AMBRA1: variants seen among roughly 807,000 people sequenced by gnomAD.
The protein encoded by AMBRA1 is activating molecule in BECN1-regulated autophagy protein 1.
In AMBRA1, 47 loss-of-function variants were observed where a neutral mutation model predicts 125.4. The ratio of observed to expected loss-of-function variants is 0.37; its 90% CI spans 0.30 to 0.48. The LOEUF (loss-of-function observed/expected upper bound fraction) is 0.48. Ranked by LOEUF, AMBRA1 falls within the 20% of genes least tolerant of loss-of-function variation. The pLI, the probability that AMBRA1 is intolerant of heterozygous loss-of-function variation, is 0.99. For synonymous variants in AMBRA1, 626 were observed against 655.5 expected (o/e 0.95, Z 0.69); for missense variants, 1,331 against 1,693.4 (o/e 0.79, Z 3.76).
intron 12 of AMBRA1, among the ~76,000 whole-genome samples, chr11:46,439,428 A>G (rs1947894104): frequency 6.6e-6 from 1 of 152,242 alleles, no homozygotes; most frequent in South Asian, 2.1e-4. Flanking sequence ...GATGAAGATG[A>G]CATCCCAAAT....
At chr11:46,440,977 A>G (rs929287788) in intron 12 of AMBRA1, among the ~76,000 whole-genome samples, 7 of 152,202 alleles carry the variant, frequency 4.6e-5, no homozygotes, top group Admixed American at 4.6e-4. Flanking sequence ...AACCAAAATC[A>G]ACACAGAGGA....
intron 14 of AMBRA1, chr11:46,428,585 TC>T (rs1565148155): frequency 3.7e-5 from 45 of 1,221,928 alleles, no homozygotes; most frequent in Middle Eastern, 2.7e-4. Flanking sequence ...TTCTTCTTCT[TC>T]TTCTTCTTTT....
intron 17 of AMBRA1, among the ~76,000 whole-genome samples, chr11:46,402,784 A>G (rs1028188514): frequency 3.9e-5 from 6 of 152,202 alleles, no homozygotes; most frequent in Admixed American, 3.9e-4. Flanking sequence ...ACCAGACACA[A>G]AGTAAGTGCT....
At chr11:46,585,450 G>A (rs1429672192) in intron 1 of AMBRA1, among the ~76,000 whole-genome samples, 3 of 149,584 alleles carry the variant, frequency 2.0e-5, no homozygotes, top group Non-Finnish European at 4.4e-5. Flanking sequence ...GGTGGACCAC[G>A]AGGTCAGGAG....
chr11:46,470,283 AT>A (rs1230894993), intron 11 of AMBRA1, among the ~76,000 whole-genome samples: 1 of 152,030 alleles, frequency 6.6e-6, no homozygotes, highest in Non-Finnish European at 1.5e-5. Context: ...TCTACAAAAA[AT>A]TTTTTAAAAA....
In AMBRA1 at chr11:46,515,343, C is replaced by T. The variant is rs187045933; in HGVS notation, c.2073-2530G>A. Among the ~76,000 whole-genome samples the T allele has an allele frequency of 6.6e-5, 10 of 152,136 alleles. No homozygotes were observed. The South Asian group carries it at 1.7e-3, about 25-fold the overall frequency. On this transcript the variant is annotated intron_variant, in intron 7 of 17. Coordinates refer to ENST00000683756, the MANE Select transcript of AMBRA1 (RefSeq NM_001387011.1). ...AAAAAAGTAGCCAGGCGTGGTGGTG[C>T]GTGCCTATAATCCCAGCTATTTGGA...
At chr11:46,503,832 T>C (rs561126937) in intron 9 of AMBRA1, among the ~76,000 whole-genome samples, 146 of 152,298 alleles carry the variant, frequency 9.6e-4, no homozygotes, top group African/African-American at 2.8e-3. Context: ...TGTGTCAAAA[T>C]TGTGAATAAG....
rs773330938 is a variant in AMBRA1, at chr11:46,397,473, T to C, written c.3874A>G (p.Arg1292Gly). The C allele has an allele frequency of 9.9e-6, 15 of 1,516,918 alleles. No individual in the cohort carries two copies. The highest frequency in any genetic ancestry group is 1.2e-5 in the Non-Finnish European group (14 of 1,131,996). 94.0% of individuals were successfully genotyped at this position (1,516,918 alleles called of 1,614,324 possible). Residue 1292 changes from arginine to glycine, a missense_variant, in exon 18 of 18, where the codon AGG (arginine) becomes GGG (glycine). Physicochemically the swap from Arg to Gly is moderately radical, Grantham distance 125. Coordinates refer to ENST00000683756, the MANE Select transcript of AMBRA1 (RefSeq NM_001387011.1). The stretch of plus-strand genomic sequence containing the variant: ...CTCTACCTGTTCCGTGGTTCTCCCC[T>C]AGGGCCTGCAGCGTCCCCCCTGCTG... ...GSSRGDAAGP[R>G]GEPRNR
At chr11:46,428,985 C>T (rs982727569) in intron 14 of AMBRA1, 68 of 1,612,218 alleles carry the variant, frequency 4.2e-5, no homozygotes, top group Non-Finnish European at 5.6e-5. Flanking sequence ...TTCACGTAGC[C>T]TCGGGACTTG....
At chr11:46,588,991 T>A (rs894197935) in intron 1 of AMBRA1, among the ~76,000 whole-genome samples, 1 of 152,170 alleles carries the variant, frequency 6.6e-6, no homozygotes, top group Admixed American at 6.6e-5. Context: ...AAAGGACTCT[T>A]ATAAGTAATA....
intron 11 of AMBRA1, among the ~76,000 whole-genome samples, chr11:46,470,506 G>A (rs1157299751): frequency 1.3e-5 from 2 of 150,152 alleles, no homozygotes; most frequent in Non-Finnish European, 3.0e-5. Context: ...GGAGAATGGC[G>A]TGAACCCGGG....
chr11:46,535,769 G>C (rs1952444684), intron 7 of AMBRA1, among the ~76,000 whole-genome samples: 1 of 152,114 alleles, frequency 6.6e-6, no homozygotes, highest in South Asian at 2.1e-4. Flanking sequence ...GTATTCAATA[G>C]GAATGGGGTA....
chr11:46,419,599 A>C (rs1946745528), intron 14 of AMBRA1, among the ~76,000 whole-genome samples: 1 of 152,144 alleles, frequency 6.6e-6, no homozygotes, highest in African/African-American at 2.4e-5. Flanking sequence ...AAACTCTATA[A>C]ACTGGAGTTT....
chr11:46,474,340 G>C (rs920656191), intron 11 of AMBRA1, among the ~76,000 whole-genome samples: 1 of 152,174 alleles, frequency 6.6e-6, no homozygotes, highest in South Asian at 2.1e-4. Flanking sequence ...TGATCAATAC[G>C]AACAGGTCTA....
rs56090695 is a variant in AMBRA1 at position 46,552,368 on chromosome 11, C to CA, written c.-120-3869dup. On this transcript the variant is annotated intron_variant, in intron 1 of 17. Transcript: ENST00000683756. ...TGAGTGACAGAGTGAGACTCCATCTCAAAAAAAAAAAAAAAAAAAAAAAAA... is the reference window on the plus strand; with the variant it reads ...TGAGTGACAGAGTGAGACTCCATCTCAAAAAAAAAAAAAAAAAAAAAAAAAA... 5.6e-3 allele frequency among the ~76,000 whole-genome samples: 67 copies of CA among 11,994 alleles called. 27 individuals are homozygous for CA. Among genetic ancestry groups the CA allele is most frequent in the Non-Finnish European group, 9.4e-3 (55 of 5,876 alleles). The allele number at this position is 11,994 out of a possible 152,430, so 7.9% of individuals were successfully genotyped here.
At chr11:46,417,760 T>C (rs1946608702) in intron 15 of AMBRA1, among the ~76,000 whole-genome samples, 153 bp downstream of exon 15, 2 of 152,160 alleles carry the variant, frequency 1.3e-5, no homozygotes, top group African/African-American at 4.8e-5. Flanking sequence ...CCAGCCCCTG[T>C]GGGAAGAGGG....
intron 1 of AMBRA1, among the ~76,000 whole-genome samples, chr11:46,580,371 G>C (rs1489555749): frequency 1.3e-5 from 2 of 152,108 alleles, no homozygotes; most frequent in Non-Finnish European, 2.9e-5. Context: ...CTACTTTTGT[G>C]AATCAGCCTA....
intron 9 of AMBRA1, among the ~76,000 whole-genome samples, chr11:46,503,752 A>C (rs1375014384): frequency 1.3e-5 from 2 of 152,242 alleles, no homozygotes; most frequent in Admixed American, 1.3e-4. Flanking sequence ...AAGAGAATTC[A>C]TCTTAAGGCT....
chr11:46,582,017 G>A (rs372945300), intron 1 of AMBRA1, among the ~76,000 whole-genome samples: 2 of 151,060 alleles, frequency 1.3e-5, no homozygotes, highest in South Asian at 2.1e-4. Context: ...TTGGGAAGCC[G>A]AGGTGGGAGG....
Sources: gnomAD v4.1 joint callset for allele counts (sites outside exome capture counted in the v4.1 genomes callset) on GRCh38, gnomAD v4.1.1 for gene constraint, MANE v1.5 for transcripts, NCBI Gene and HGNC (gene_info 2026-07-23, HGNC 2026-07-21) for gene names.